Variants in THSD7A observed in about 807,000 individuals in gnomAD.
THSD7A encodes the protein thrombospondin type 1 domain containing 7A.
THSD7A carries 96 observed loss-of-function variants against 231.3 expected under a neutral mutation model. The ratio of observed to expected loss-of-function variants is 0.41; its 90% CI spans 0.35 to 0.49. The LOEUF (loss-of-function observed/expected upper bound fraction) is 0.49. Among genes scored for constraint, THSD7A ranks in the 20% least tolerant of loss-of-function variants. THSD7A has a pLI of 0.05. For missense variants in THSD7A, 2,290 were observed against 2,070.2 expected, an observed-to-expected ratio of 1.11 and a Z score of -2.06; for synonymous variants, 940 against 743.3, an observed-to-expected ratio of 1.26 and a Z score of -4.30.
intron 1 of THSD7A, among the ~76,000 whole-genome samples, chr7:11,683,983 C>T (rs991182356): frequency 7.2e-5 from 11 of 151,916 alleles, no homozygotes; most frequent in African/African-American, 1.2e-4. Context: ...ATATCCTCTA[C>T]AAAATATTAG....
chr7:11,672,426 A>G (rs1328784889), intron 1 of THSD7A, among the ~76,000 whole-genome samples: 2 of 152,170 alleles, frequency 1.3e-5, no homozygotes, highest in African/African-American at 4.8e-5. Context: ...CTATATTTAA[A>G]ACTATCTCAG....
intron 1 of THSD7A, among the ~76,000 whole-genome samples, chr7:11,638,239 G>A (rs901847930): frequency 6.6e-6 from 1 of 152,256 alleles, no homozygotes; most frequent in Non-Finnish European, 1.5e-5. Context: ...TTCGCTCTAC[G>A]GATGAGAAAA....
At chr7:11,644,712 A>C (rs1304451610) in intron 1 of THSD7A, among the ~76,000 whole-genome samples, 1 of 152,044 alleles carries the variant, frequency 6.6e-6, no homozygotes, top group Non-Finnish European at 1.5e-5. Context: ...CTGATTTTAC[A>C]ATGCTAAACA....
rs1350426801 is a variant in THSD7A at position 11,461,952 on chromosome 7, G to A, written c.2501+59C>T. ...ACTTCCTTTCCTTATCCTAGGAAAG[G>A]ATGTGGAGTTGACGTATTTGTTCAG... On this transcript the variant is annotated intron_variant, in intron 10 of 27. Coordinates refer to ENST00000423059, the MANE Select transcript of THSD7A (RefSeq NM_015204.3). 3.2e-6 allele frequency: 5 copies of A among 1,578,222 alleles called. No homozygotes were observed. In the Admixed American group the frequency reaches 6.9e-5, roughly 22 times the overall value.
At position 11,590,923 on chromosome 7, in the gene THSD7A, A is replaced by C. The variant is rs1780137558; in HGVS notation, c.1272-282T>G. Among the ~76,000 whole-genome samples, 1 of 152,152 alleles carries C rather than the reference A, an allele frequency of 6.6e-6. No individual in the cohort carries two copies. The highest frequency in any genetic ancestry group is 2.1e-4 in the South Asian group (1 of 4,826). Reference sequence around the variant, plus strand: ...AGGGAGCACAATGCTGAAAACATGAAATTTTATGTTCAATTAAGCTGAACC... The same window carrying C: ...AGGGAGCACAATGCTGAAAACATGACATTTTATGTTCAATTAAGCTGAACC... On this transcript the variant is annotated intron_variant, in intron 3 of 27. Coordinates refer to ENST00000423059, the MANE Select transcript of THSD7A (RefSeq NM_015204.3). This position sits in a 1 kb window ranked among gnomAD's most constrained non-coding sequence, Gnocchi z 4.4.
intron 4 of THSD7A, among the ~76,000 whole-genome samples, chr7:11,545,238 A>AT (rs1390875512): frequency 3.3e-5 from 5 of 152,194 alleles, no homozygotes; most frequent in African/African-American, 1.2e-4. Context: ...TAAAATCTCC[A>AT]TTTTTTCCTT....
intron 1 of THSD7A, among the ~76,000 whole-genome samples, chr7:11,801,701 G>A (rs1203595309): frequency 6.6e-6 from 1 of 152,166 alleles, no homozygotes; most frequent in Non-Finnish European, 1.5e-5. Flanking sequence ...TGTGGAAAAT[G>A]AGTAGCTTGA....
At chr7:11,518,396 G>A (rs1372485384) in intron 6 of THSD7A, among the ~76,000 whole-genome samples, 3 of 152,240 alleles carry the variant, frequency 2.0e-5, no homozygotes, top group East Asian at 3.9e-4. Flanking sequence ...GTAGAGAGAA[G>A]GGTAGGAGAG....
intron 4 of THSD7A, among the ~76,000 whole-genome samples, chr7:11,566,969 G>GGGGGGGGGGTGC (rs1554339262): frequency 1.2e-5 from 1 of 84,142 alleles, no homozygotes; most frequent in African/African-American, 5.8e-5. Flanking sequence ...GGAGAGTGGG[G>GGGGGGGGGGTGC]GGGGGACTGA....
At chr7:11,452,071 T>C (rs1278916105) in intron 11 of THSD7A, among the ~76,000 whole-genome samples, 1 of 152,020 alleles carries the variant, frequency 6.6e-6, no homozygotes, top group African/African-American at 2.4e-5. Context: ...AAGAGCTCTG[T>C]GACCTTATTA....
chr7:11,560,042 A>C (rs1386903648), intron 4 of THSD7A, among the ~76,000 whole-genome samples: 1 of 152,192 alleles, frequency 6.6e-6, no homozygotes, highest in Non-Finnish European at 1.5e-5. Context: ...TCCAATTAAA[A>C]GAGAAGAGGT....
intron 1 of THSD7A, among the ~76,000 whole-genome samples, chr7:11,794,718 T>C (rs1337697228): frequency 1.3e-5 from 2 of 151,894 alleles, no homozygotes; most frequent in African/African-American, 2.4e-5. Context: ...GAAAAATAAG[T>C]CTTTTTGCCA....
At chr7:11,639,040 G>A (rs1781975874) in intron 1 of THSD7A, among the ~76,000 whole-genome samples, 1 of 151,980 alleles carries the variant, frequency 6.6e-6, no homozygotes, top group Non-Finnish European at 1.5e-5. Context: ...CAAAACAGTG[G>A]TCCTTATTTT....
intron 2 of THSD7A, among the ~76,000 whole-genome samples, chr7:11,622,293 A>G (rs543112135): frequency 1.2e-4 from 18 of 152,166 alleles, no homozygotes; most frequent in African/African-American, 4.3e-4. Context: ...TTAAGAAGGT[A>G]AGAACTTTGT....
At chr7:11,422,598 C>CAAAAAAA (rs5882308) in intron 16 of THSD7A, among the ~76,000 whole-genome samples, 17 of 97,846 alleles carry the variant, frequency 1.7e-4, no homozygotes, top group East Asian at 3.5e-4. Context: ...ATTTACAAAG[C>CAAAAAAA]AAAAAAAAAA....
rs192280858 is a variant in THSD7A, at chr7:11,814,273, A to G, written c.190+17484T>C. Among the ~76,000 whole-genome samples, 2 of 152,298 alleles carry G rather than the reference A, an allele frequency of 1.3e-5. No homozygotes were observed. Among genetic ancestry groups the G allele is most frequent in the Non-Finnish European group, 2.9e-5 (2 of 68,008 alleles). ...TGCTTTAAATGGGTGATTGCATGCT[A>G]CGTGCATTCTATCAAATAAAGCTGT... On this transcript the variant is annotated intron_variant, in intron 1 of 27. Coordinates refer to ENST00000423059, the MANE Select transcript of THSD7A (RefSeq NM_015204.3). The surrounding 1 kb of genome is among the most constrained non-coding windows in gnomAD (Gnocchi z 5.1).
At chr7:11,738,035 A>ATCTATC in intron 1 of THSD7A, among the ~76,000 whole-genome samples, 1 of 151,688 alleles carries the variant, frequency 6.6e-6, no homozygotes, top group Middle Eastern at 3.4e-3. Context: ...TTATATATCT[A>ATCTATC]TATCTATCTA....
At chr7:11,521,106 CAT>C (rs1391702637) in intron 6 of THSD7A, among the ~76,000 whole-genome samples, 4 of 152,138 alleles carry the variant, frequency 2.6e-5, no homozygotes, top group African/African-American at 7.2e-5. Flanking sequence ...ATTTAAGGAA[CAT>C]AGTGATCATA....
chr7:11,744,528 G>A (rs1424009120), intron 1 of THSD7A, among the ~76,000 whole-genome samples: 1 of 151,282 alleles, frequency 6.6e-6, no homozygotes, highest in Admixed American at 6.6e-5. Flanking sequence ...TGCCATGTTG[G>A]TGTGCTGCAC....
Sources: allele counts gnomAD v4.1 joint callset (sites outside exome capture counted in the v4.1 genomes callset), GRCh38; gene constraint gnomAD v4.1.1; non-coding constraint Gnocchi (gnomAD v3.1); transcripts MANE v1.5; gene names NCBI Gene and HGNC (gene_info 2026-07-23, HGNC 2026-07-21).